The following SPECC1 variants were observed in gnomAD, a reference collection of about 807,000 sequenced individuals.
SPECC1 encodes cytospin-B.
Under a neutral mutation model 104.1 loss-of-function variants are expected in SPECC1, and 62 were observed. The observed-to-expected ratio is 0.60, with a 90% CI of 0.49 to 0.74. The LOEUF (loss-of-function observed/expected upper bound fraction) is 0.74, where lower values mean the gene tolerates loss of function less well. Among genes scored for constraint, SPECC1 ranks in the 30% least tolerant of loss-of-function variants. SPECC1 has a pLI of 0.00. For synonymous variants in SPECC1, 513 were observed against 501.6 expected, an observed-to-expected ratio of 1.02 and a Z score of -0.30; for missense variants, 1,306 against 1,310.5, an observed-to-expected ratio of 1.00 and a Z score of 0.05.
At chr17:20,112,035 T>A (rs2048520473) in intron 3 of SPECC1, 3 of 769,672 alleles carry the variant, frequency 3.9e-6, no homozygotes, top group Non-Finnish European at 7.3e-6. Flanking sequence ...GAGCCATTTA[T>A]TGATCCTGAC....
chr17:20,227,542 A>T lies in SPECC1; in HGVS notation c.1993A>T (p.Ile665Leu), dbSNP rs752035142. Reference protein sequence around the residue: ...DAEIKDMKETIFELEDQVEQH... With the variant: ...DAEIKDMKETLFELEDQVEQH... ...AGAGATCAAAGACATGAAAGAAACC[A>T]TATTTGAATTGGAAGATCAGGTGGA... The change falls in exon 5 of 15, where the codon ATA becomes TTA. Residue 665 changes from isoleucine to leucine, a missense_variant. Transcript: ENST00000395527. The T allele has an allele frequency of 3.1e-6, 5 of 1,612,804 alleles. No homozygotes were observed. Among genetic ancestry groups the T allele is most frequent in the Non-Finnish European group, 4.2e-6 (5 of 1,179,704 alleles).
chr17:20,210,662 G>C (rs2703811), intron 4 of SPECC1, among the ~76,000 whole-genome samples: 2 of 152,090 alleles, frequency 1.3e-5, no homozygotes, highest in Non-Finnish European at 2.9e-5. Flanking sequence ...TTTGGTGGGG[G>C]ATGGGCACTT....
intron 1 of SPECC1, among the ~76,000 whole-genome samples, chr17:20,050,066 C>T (rs1246804281): frequency 6.6e-6 from 1 of 152,186 alleles, no homozygotes; most frequent in Middle Eastern, 3.2e-3. Flanking sequence ...ATCTGCCCAC[C>T]TTGGCCTCCC....
At chr17:20,165,724 T>A (rs892123090) in intron 3 of SPECC1, among the ~76,000 whole-genome samples, 2 of 152,260 alleles carry the variant, frequency 1.3e-5, no homozygotes, top group South Asian at 2.1e-4. Flanking sequence ...CTTGACTTTT[T>A]GATAATCGTC....
At chr17:20,236,959 A>T (rs1220851798) in intron 7 of SPECC1, 1 of 1,609,242 alleles carries the variant, frequency 6.2e-7, no homozygotes, top group South Asian at 1.1e-5. Flanking sequence ...TGAAAGGGGG[A>T]ATGTGTAGAG....
In SPECC1 at chr17:20,204,426, C is replaced by T. The variant is rs143916580; in HGVS notation, c.377C>T (p.Ser126Phe). The T allele has an allele frequency of 4.3e-6, 7 of 1,614,008 alleles. No homozygotes were observed. Among genetic ancestry groups the T allele is most frequent in the African/African-American group, 4.0e-5 (3 of 74,896 alleles). ...GAGAGGTCTGTGCCACGTGGTCCCTCCAACCCCAGGAAATCAGTGTCCAGT... is the reference window on the plus strand; with the variant it reads ...GAGAGGTCTGTGCCACGTGGTCCCTTCAACCCCAGGAAATCAGTGTCCAGT... ...SRERSVPRGP[S>F]NPRKSVSSPT... is the part of the protein sequence containing the mutation. The change falls in exon 4 of 15, where the codon TCC becomes TTC. Residue 126 changes from serine to phenylalanine, a missense_variant. By Grantham distance (155) the Ser-to-Phe change is radical (BLOSUM62 -2). Around this residue, in one of 2 missense-constraint regions of SPECC1, gnomAD observed 1,177 missense variants for 1,139.9 expected, o/e 1.03. Transcript: ENST00000395527.
intron 1 of SPECC1, among the ~76,000 whole-genome samples, chr17:20,053,413 A>G (rs1249039839): frequency 6.6e-6 from 1 of 152,190 alleles, no homozygotes; most frequent in Non-Finnish European, 1.5e-5. Context: ...GATGATTTTT[A>G]AATATATCCA....
chr17:20,013,115 T>A (rs974680563), intron 1 of SPECC1, among the ~76,000 whole-genome samples: 8 of 152,220 alleles, frequency 5.3e-5, no homozygotes, highest in African/African-American at 1.9e-4. Context: ...CAAAGGATAT[T>A]TATGTTGGTT....
chr17:20,105,936 C>T (rs973505576), intron 2 of SPECC1, among the ~76,000 whole-genome samples: 6 of 152,190 alleles, frequency 3.9e-5, no homozygotes, highest in Admixed American at 3.9e-4. Context: ...GGAGTGCTCT[C>T]ATTTGTTGGA....
At chr17:20,160,551 GTATTT>G (rs1272647361) in intron 3 of SPECC1, among the ~76,000 whole-genome samples, 1 of 152,124 alleles carries the variant, frequency 6.6e-6, no homozygotes, top group Non-Finnish European at 1.5e-5. Flanking sequence ...ATTTGCATCA[GTATTT>G]TATTACAAAA....
chr17:20,247,964 A>G (rs1299387615), intron 9 of SPECC1, among the ~76,000 whole-genome samples: 1 of 152,188 alleles, frequency 6.6e-6, no homozygotes, highest in Non-Finnish European at 1.5e-5. Context: ...TTGGCCCATT[A>G]AAGGAGCTTC....
chr17:20,195,082 T>C (rs185183097), intron 3 of SPECC1, among the ~76,000 whole-genome samples: 20 of 152,356 alleles, frequency 1.3e-4, no homozygotes, highest in Non-Finnish European at 2.2e-4. Flanking sequence ...AGGTAACTCC[T>C]GTTTTGCTTG....
At chr17:20,194,502 A>ATTATTATTATTTTTTTTTTTTTTTT in intron 3 of SPECC1, among the ~76,000 whole-genome samples, 1 of 86,536 alleles carries the variant, frequency 1.2e-5, no homozygotes, top group African/African-American at 5.3e-5. Context: ...AAGAGAACGA[A>ATTATTATTATTTTTTTTTTTTTTTT]TTTTTTTTTT....
At chr17:20,289,282 C>A (rs1023263374) in intron 12 of SPECC1, among the ~76,000 whole-genome samples, 1 of 152,128 alleles carries the variant, frequency 6.6e-6, no homozygotes, top group South Asian at 2.1e-4. Context: ...AAATACAATT[C>A]AAGTTGAGAT....
chr17:20,210,463 G>A (rs571109821), intron 4 of SPECC1, among the ~76,000 whole-genome samples: 24 of 152,194 alleles, frequency 1.6e-4, no homozygotes, highest in Non-Finnish European at 2.6e-4. Context: ...TTGGCGACTT[G>A]GGGCAGGCAT....
chr17:20,272,445 TTGAG>T (rs1431441879), intron 12 of SPECC1, among the ~76,000 whole-genome samples: 1 of 152,222 alleles, frequency 6.6e-6, no homozygotes, highest in South Asian at 2.1e-4. Context: ...TTCAGTATCG[TTGAG>T]TATGTTCTCA....
intron 1 of SPECC1, among the ~76,000 whole-genome samples, chr17:20,033,855 C>T (rs2152445151): frequency 6.6e-6 from 1 of 152,256 alleles, no homozygotes; most frequent in South Asian, 2.1e-4. Flanking sequence ...GGGTTAAACC[C>T]CTTATGTTGC....
chr17:20,093,735 T>TTTTG (rs1597683157), intron 1 of SPECC1, among the ~76,000 whole-genome samples: 16 of 33,260 alleles, frequency 4.8e-4, no homozygotes, highest in East Asian at 1.8e-3. Context: ...TGTTTTTTGT[T>TTTTG]TTTTTTTTTT....
intron 14 of SPECC1, among the ~76,000 whole-genome samples, chr17:20,308,302 T>C (rs1193607261): frequency 1.3e-5 from 2 of 150,346 alleles, no homozygotes; most frequent in African/African-American, 2.5e-5. Flanking sequence ...GGCAGGAGAA[T>C]TGCTTGAACC....
Sources: gnomAD v4.1 joint callset for allele counts (sites outside exome capture counted in the v4.1 genomes callset) on GRCh38, gnomAD v4.1.1 for gene constraint, gnomAD v4.1.1 regional missense constraint, MANE v1.5 for transcripts, NCBI Gene and HGNC (gene_info 2026-07-23, HGNC 2026-07-21) for gene names.